SPON1: variants seen among roughly 807,000 people sequenced by gnomAD.
The protein encoded by SPON1 is spondin 1.
Under a neutral mutation model 111.7 loss-of-function variants are expected in SPON1, and 52 were observed. That is an observed-to-expected ratio of 0.47 (90% CI 0.37 to 0.59). The LOEUF is 0.59. SPON1 is among the 20% of genes least tolerant of loss of function. The pLI is 0.00. For synonymous variants in SPON1, 410 were observed against 395.8 expected, an observed-to-expected ratio of 1.04 and a Z score of -0.43; for missense variants, 957 against 1,068.5, an observed-to-expected ratio of 0.90 and a Z score of 1.46.
chr11:14,259,305 G>C lies in SPON1; in HGVS notation c.1518G>C (p.Glu506Asp). The C allele has an allele frequency of 6.2e-7, 1 of 1,612,902 alleles. No homozygotes were observed. Among genetic ancestry groups the C allele is most frequent in the East Asian group, 2.2e-5 (1 of 44,868 alleles). Reference sequence around the variant, plus strand: ...ACGGCTCCACCTGCACCATGTCCGAGTGGATCACCTGGTCGCCCTGCAGCA... The same window carrying C: ...ACGGCTCCACCTGCACCATGTCCGACTGGATCACCTGGTCGCCCTGCAGCA... ...DEDGSTCTMS[E>D]WITWSPCSIS... Residue 506 changes from glutamate (E) to aspartate (D), a missense_variant, in exon 12 of 16, where the codon GAG becomes GAC. Coordinates refer to ENST00000576479, the MANE Select transcript of SPON1 (RefSeq NM_006108.4). This position sits in a 1 kb window ranked among gnomAD's most constrained non-coding sequence, Gnocchi z 5.0.
At chr11:14,109,989 C>G (rs1050857224) in intron 5 of SPON1, among the ~76,000 whole-genome samples, 1 of 152,224 alleles carries the variant, frequency 6.6e-6, no homozygotes, top group Non-Finnish European at 1.5e-5. Context: ...TTATTAATCT[C>G]TCTTCCACTG....
intron 2 of SPON1, among the ~76,000 whole-genome samples, chr11:14,015,071 A>G (rs915694102): frequency 1.3e-5 from 2 of 152,202 alleles, no homozygotes; most frequent in Admixed American, 6.5e-5. Flanking sequence ...TAGTCTACTT[A>G]ACCTCTCCCC....
At chr11:14,155,613 T>C (rs1847836653) in intron 6 of SPON1, among the ~76,000 whole-genome samples, 1 of 151,438 alleles carries the variant, frequency 6.6e-6, no homozygotes, top group Admixed American at 6.6e-5. Context: ...ACTCGTCCTC[T>C]AGCATTAGGT....
At chr11:14,090,867 G>C (rs1316055518) in intron 5 of SPON1, among the ~76,000 whole-genome samples, 1 of 113,226 alleles carries the variant, frequency 8.8e-6, no homozygotes, top group Non-Finnish European at 1.6e-5. Context: ...CTGATTGGTA[G>C]AGCCCAGTAG....
chr11:14,181,382 T>A (rs1306270558), intron 6 of SPON1, among the ~76,000 whole-genome samples: 2 of 152,200 alleles, frequency 1.3e-5, no homozygotes, highest in African/African-American at 4.8e-5. Flanking sequence ...CCACTGCTGA[T>A]GGCAGGAAGT....
intron 2 of SPON1, among the ~76,000 whole-genome samples, chr11:14,039,710 T>C (rs1214242988): frequency 2.0e-5 from 3 of 152,116 alleles, no homozygotes; most frequent in African/African-American, 7.2e-5. Flanking sequence ...GTGCAAGCCA[T>C]AGGAGATAAG....
chr11:14,146,255 T>C (rs1238455667), intron 6 of SPON1, among the ~76,000 whole-genome samples: 2 of 151,670 alleles, frequency 1.3e-5, no homozygotes, highest in Non-Finnish European at 2.9e-5. Flanking sequence ...GTTCAAGCAA[T>C]TCTCCTGCCT....
At chr11:14,169,091 C>A (rs186405934) in intron 6 of SPON1, among the ~76,000 whole-genome samples, 1 of 152,162 alleles carries the variant, frequency 6.6e-6, no homozygotes, top group Non-Finnish European at 1.5e-5. Flanking sequence ...ACTTCCACAA[C>A]GGTTGAACTA....
intron 2 of SPON1, among the ~76,000 whole-genome samples, chr11:14,036,107 G>T (rs1266343569): frequency 6.6e-6 from 1 of 152,288 alleles, no homozygotes; most frequent in Non-Finnish European, 1.5e-5. Flanking sequence ...GAGGCTAGAG[G>T]CAGGGAGGCA....
At chr11:13,995,587 C>A (rs1379678979) in intron 2 of SPON1, among the ~76,000 whole-genome samples, 1 of 152,134 alleles carries the variant, frequency 6.6e-6, no homozygotes, top group Non-Finnish European at 1.5e-5. Flanking sequence ...AATCACCTCC[C>A]ACCAGGTCCC....
chr11:14,042,319 C>T (rs188608061), intron 3 of SPON1, among the ~76,000 whole-genome samples: 15 of 151,788 alleles, frequency 9.9e-5, no homozygotes, highest in Non-Finnish European at 1.9e-4. Context: ...CAAATGTTTG[C>T]AAAATGCTGT....
chr11:14,161,748 G>C (rs1036738601), intron 6 of SPON1, among the ~76,000 whole-genome samples: 2 of 152,118 alleles, frequency 1.3e-5, no homozygotes, highest in Non-Finnish European at 2.9e-5. Context: ...GGTTGTATGT[G>C]TACTCGAAGT....
intron 6 of SPON1, among the ~76,000 whole-genome samples, chr11:14,169,639 A>G (rs201731422): frequency 0.17 from 25,570 of 149,846 alleles, 2,299 homozygotes; most frequent in Admixed American, 0.23. Context: ...TAGGTCTAAC[A>G]TGTAAGTCTT....
rs181367943 is a variant in SPON1, at chr11:14,254,748, A to G, written c.1092+19A>G. On this transcript the variant is annotated intron_variant, in intron 8 of 15. Transcript: ENST00000576479. The stretch of plus-strand genomic sequence containing the variant: ...CTATGAGGTGTGTGTGTGTGCCTGG[A>G]GTGGTGAGTGGCTCCTTGCCTACCC... The G allele has an allele frequency of 3.1e-6, 5 of 1,610,672 alleles. No homozygotes were observed. The Admixed American group carries it at 8.3e-5, about 27-fold the overall frequency.
intron 6 of SPON1, among the ~76,000 whole-genome samples, chr11:14,181,289 G>A (rs567446226): frequency 5.3e-5 from 8 of 152,298 alleles, no homozygotes; most frequent in African/African-American, 1.9e-4. Flanking sequence ...CACTTCCATA[G>A]TGGTTTAGTC....
chr11:14,098,371 T>A (rs931351448), intron 5 of SPON1, among the ~76,000 whole-genome samples: 8 of 152,224 alleles, frequency 5.3e-5, no homozygotes, highest in Middle Eastern at 3.2e-3. Context: ...AGTATTATAA[T>A]TACTAGTTTT....
intron 2 of SPON1, among the ~76,000 whole-genome samples, chr11:14,025,972 T>C (rs1848515043): frequency 6.6e-6 from 1 of 152,210 alleles, no homozygotes; most frequent in Admixed American, 6.5e-5. Context: ...CAATACACCA[T>C]ACTGACAGCA....
At chr11:14,198,609 C>G (rs1018932664) in intron 6 of SPON1, among the ~76,000 whole-genome samples, 18 of 152,236 alleles carry the variant, frequency 1.2e-4, no homozygotes, top group African/African-American at 4.3e-4. Context: ...GTCTTCCAAG[C>G]TGGTGTTTCT....
intron 5 of SPON1, among the ~76,000 whole-genome samples, chr11:14,104,101 AC>A (rs1271591192): frequency 2.8e-4 from 42 of 151,972 alleles, no homozygotes; most frequent in African/African-American, 9.9e-4. Context: ...TAATTAGTAG[AC>A]CTTTTTAGTG....
Sources: gnomAD v4.1 joint callset for allele counts (sites outside exome capture counted in the v4.1 genomes callset) on GRCh38, gnomAD v4.1.1 for gene constraint, Gnocchi (gnomAD v3.1) non-coding constraint, MANE v1.5 for transcripts, NCBI Gene and HGNC (gene_info 2026-07-23, HGNC 2026-07-21) for gene names.